The following SLC36A4 variants were observed in gnomAD, a reference collection of about 807,000 sequenced individuals.
SLC36A4 encodes neutral amino acid uniporter 4.
SLC36A4 carries 49 observed loss-of-function variants against 50.5 expected under a neutral mutation model. The observed-to-expected ratio is 0.97, with a 90% CI of 0.77 to 1.23. SLC36A4 has a LOEUF of 1.23. SLC36A4 is among the 50% of genes most tolerant of loss of function. The probability of loss-of-function intolerance (pLI) is 0.00; values close to 1 mark genes in which losing one functional copy is unlikely to be tolerated. For missense variants in SLC36A4, 611 were observed against 608.4 expected (o/e 1.00, Z -0.05); for synonymous variants, 207 against 206.5 (o/e 1.00, Z -0.02).
chr11:93,149,818 AGTT>A (rs1179595539), intron 10 of SLC36A4, among the ~76,000 whole-genome samples: 1 of 152,020 alleles, frequency 6.6e-6, no homozygotes, highest in Non-Finnish European at 1.5e-5. Context: ...TCTATAAAGT[AGTT>A]AATAGCATTG....
At chr11:93,161,624 G>A (rs915905468) in intron 9 of SLC36A4, among the ~76,000 whole-genome samples, 1 of 152,152 alleles carries the variant, frequency 6.6e-6, no homozygotes, top group African/African-American at 2.4e-5. Context: ...CTCACCAGGA[G>A]GCCAGTCAGA....
rs1301571017 is a variant in SLC36A4, at chr11:93,148,323, A to T, written c.*214T>A. The T allele has an allele frequency of 2.7e-6, 1 of 373,094 alleles. No individual in the cohort carries two copies. Among genetic ancestry groups the T allele is most frequent in the Non-Finnish European group, 4.7e-6 (1 of 211,960 alleles). The allele number at this position is 373,094 out of a possible 1,614,324, so 23.1% of individuals were successfully genotyped here. On this transcript the variant is annotated 3_prime_UTR_variant, in exon 11 of 11. Transcript: ENST00000326402. The stretch of plus-strand genomic sequence containing the variant: ...TTAATTTTTTCAATTTTCAGAACTT[A>T]ATTTTTTGAACTATTGCTAACACTT...
chr11:93,170,501 C>T (rs1861083436), intron 6 of SLC36A4, among the ~76,000 whole-genome samples: 1 of 151,986 alleles, frequency 6.6e-6, no homozygotes, highest in Non-Finnish European at 1.5e-5. Flanking sequence ...TGTTACTATT[C>T]CCATTTTACA....
In SLC36A4 at chr11:93,154,184, C is replaced by A; in HGVS notation, c.1131G>T (p.Gly377=). 1 of 1,565,768 alleles carries A rather than the reference C, an allele frequency of 6.4e-7. No homozygotes were observed. Among genetic ancestry groups the A allele is most frequent in the South Asian group, 1.3e-5 (1 of 79,442 alleles). Residue 377 remains glycine (G), a synonymous_variant, in exon 10 of 11, where the codon GGG becomes GGT. Coordinates refer to ENST00000326402, the MANE Select transcript of SLC36A4 (RefSeq NM_152313.4). ...ATTTAGTATGAAATTTGGATGTGAT[C>A]CCAGGGATAATGATCTCTGCTGGAA... ...FYVPAEIIIP[G]ITSKFHTKWK...
At chr11:93,187,232 T>G (rs983118613) in intron 1 of SLC36A4, among the ~76,000 whole-genome samples, 2 of 152,180 alleles carry the variant, frequency 1.3e-5, no homozygotes, top group Non-Finnish European at 2.9e-5. Context: ...AACTTGTTCT[T>G]TTTCCTAGAG....
intron 9 of SLC36A4, among the ~76,000 whole-genome samples, chr11:93,159,617 G>A (rs1229866277): frequency 6.6e-6 from 1 of 152,128 alleles, no homozygotes; most frequent in Non-Finnish European, 1.5e-5. Context: ...TAAAAACTAA[G>A]ACAACTATGG....
At chr11:93,192,963 T>C (rs938332589) in intron 1 of SLC36A4, 1 of 158,958 alleles carries the variant, frequency 6.3e-6, no homozygotes, top group African/African-American at 2.4e-5. Context: ...ATTACATATA[T>C]GTTACATAGA....
chr11:93,180,100 A>T (rs1861671566), intron 6 of SLC36A4: 1 of 951,370 alleles, frequency 1.1e-6, no homozygotes, highest in Non-Finnish European at 1.3e-6. Context: ...TGTACCATGG[A>T]CATGTGGATA....
chr11:93,172,376 ATTTG>A (rs1335025057), intron 6 of SLC36A4, among the ~76,000 whole-genome samples: 1 of 151,272 alleles, frequency 6.6e-6, no homozygotes, highest in Non-Finnish European at 1.5e-5. Context: ...ACTGCACCAT[ATTTG>A]TTGTCTTTTA....
At chr11:93,177,807 C>T (rs1279698309) in intron 6 of SLC36A4, among the ~76,000 whole-genome samples, 1 of 152,200 alleles carries the variant, frequency 6.6e-6, no homozygotes, top group Non-Finnish European at 1.5e-5. Context: ...CCCAGTTAGG[C>T]TACTCCGGGG....
intron 10 of SLC36A4, among the ~76,000 whole-genome samples, chr11:93,151,680 T>TAA (rs1860093169): frequency 6.6e-6 from 1 of 152,082 alleles, no homozygotes; most frequent in South Asian, 2.1e-4. Context: ...TTGATACTTA[T>TAA]AAAGTCATAG....
At chr11:93,176,902 T>A (rs1025240003) in intron 6 of SLC36A4, among the ~76,000 whole-genome samples, 39 of 152,204 alleles carry the variant, frequency 2.6e-4, no homozygotes, top group African/African-American at 9.2e-4. Context: ...TCATTTCAAC[T>A]TTGGTGAATC....
chr11:93,164,838 A>G (rs1860790905), intron 8 of SLC36A4, among the ~76,000 whole-genome samples: 1 of 152,204 alleles, frequency 6.6e-6, no homozygotes, highest in Non-Finnish European at 1.5e-5. Context: ...CCAAGGACAA[A>G]GTAAAAGGAA....
At chr11:93,149,152 T>G (rs1049951281) in intron 10 of SLC36A4, among the ~76,000 whole-genome samples, 1 of 152,048 alleles carries the variant, frequency 6.6e-6, no homozygotes, top group Non-Finnish European at 1.5e-5. Context: ...TCCAGAGCAT[T>G]TGCATTACTT....
chr11:93,185,287 G>A (rs1196780046), intron 2 of SLC36A4: 1 of 154,152 alleles, frequency 6.5e-6, no homozygotes, highest in Non-Finnish European at 1.4e-5. Flanking sequence ...TTATTAGAAT[G>A]AGAAGTTACT....
chr11:93,158,368 A>G (rs1335402303), intron 9 of SLC36A4, among the ~76,000 whole-genome samples: 1 of 152,150 alleles, frequency 6.6e-6, no homozygotes, highest in Non-Finnish European at 1.5e-5. Context: ...TTTTTAAAAT[A>G]AAAATACATC....
In SLC36A4 at chr11:93,185,705, A is replaced by G. The variant is rs1565237346; in HGVS notation, c.165T>C (p.Asp55=). 1 of 1,592,486 alleles carries G rather than the reference A, an allele frequency of 6.3e-7. No homozygotes were observed. Among genetic ancestry groups the G allele is most frequent in the Admixed American group, 1.9e-5 (1 of 53,262 alleles). The change falls in exon 2 of 11, where the codon GAT becomes GAC. Residue 55 remains aspartate (D), a synonymous_variant. Transcript: ENST00000326402. Reference sequence around the variant, plus strand: ...ATAACACTTACGAAATGCCCTCTTGATCATCAAGTTGGTAATGCTTCTGAA... The same window carrying G: ...ATAACACTTACGAAATGCCCTCTTGGTCATCAAGTTGGTAATGCTTCTGAA... The part of the protein sequence containing the change: ...LPVQKHYQLD[D]QEGISFVQTL...
intron 6 of SLC36A4, among the ~76,000 whole-genome samples, chr11:93,179,214 G>A (rs1219188521): frequency 6.6e-6 from 1 of 152,110 alleles, no homozygotes; most frequent in Non-Finnish European, 1.5e-5. Flanking sequence ...ACATGAAAAA[G>A]GTATAATCTC....
At chr11:93,173,995 T>A (rs967250715) in intron 6 of SLC36A4, among the ~76,000 whole-genome samples, 2 of 148,912 alleles carry the variant, frequency 1.3e-5, no homozygotes, top group African/African-American at 4.9e-5. Flanking sequence ...AAGTCATTGG[T>A]AGCTTGATGG....
Sources: allele counts gnomAD v4.1 joint callset (sites outside exome capture counted in the v4.1 genomes callset), GRCh38; gene constraint gnomAD v4.1.1; transcripts MANE v1.5; gene names NCBI Gene and HGNC (gene_info 2026-07-23, HGNC 2026-07-21).